HEMK2: variants seen among roughly 807,000 people sequenced by gnomAD.
HEMK2 encodes the protein HemK methyltransferase 2, ETF1 glutamine and histone H4 lysine, also known as methyltransferase HEMK2.
chr21:28,696,589 C>A, the HEMK2 span, among the ~76,000 whole-genome samples: 1 of 152,188 alleles, frequency 6.6e-6, no homozygotes, highest in Non-Finnish European at 1.5e-5. Flanking sequence ...CAGTCTGGAT[C>A]TACCATTCTG....
chr21:28,815,331 A>C, the HEMK2 span, among the ~76,000 whole-genome samples: 1 of 152,004 alleles, frequency 6.6e-6, no homozygotes, highest in Non-Finnish European at 1.5e-5. Flanking sequence ...GTATGCAACA[A>C]ACCTGCACGT....
chr21:28,641,362 G>A, the HEMK2 span, among the ~76,000 whole-genome samples: 1 of 152,202 alleles, frequency 6.6e-6, no homozygotes, highest in Non-Finnish European at 1.5e-5. Context: ...AAAGAAGGCA[G>A]TGGTGACAAT....
At chr21:28,757,805 G>T in the HEMK2 span, among the ~76,000 whole-genome samples, 1 of 152,112 alleles carries the variant, frequency 6.6e-6, no homozygotes, top group Admixed American at 6.5e-5. Flanking sequence ...GTGTGAGGAG[G>T]GCATTCTGGG....
chr21:28,697,596 C>A, the HEMK2 span, among the ~76,000 whole-genome samples: 5 of 152,078 alleles, frequency 3.3e-5, no homozygotes, highest in Non-Finnish European at 7.4e-5. Context: ...ACTTCTCACT[C>A]TATTAGTTTC....
chr21:28,776,203 G>C, the HEMK2 span, among the ~76,000 whole-genome samples: 2 of 152,200 alleles, frequency 1.3e-5, no homozygotes, highest in Non-Finnish European at 2.9e-5. Context: ...AGGGTAAGCA[G>C]CCCTAATTAG....
the HEMK2 span, among the ~76,000 whole-genome samples, chr21:28,846,277 T>C: frequency 6.6e-6 from 1 of 152,176 alleles, no homozygotes; most frequent in Non-Finnish European, 1.5e-5. Flanking sequence ...TGTGCCTTTA[T>C]GGTAGAAATG....
At chr21:28,838,808 G>A in the HEMK2 span, among the ~76,000 whole-genome samples, 1,286 of 149,270 alleles carry the variant, frequency 8.6e-3, 14 homozygotes, top group African/African-American at 0.029. Flanking sequence ...GCGTGTTGGC[G>A]CATGCCTGTA....
the HEMK2 span, among the ~76,000 whole-genome samples, chr21:28,733,497 T>A: frequency 6.6e-6 from 1 of 152,112 alleles, no homozygotes; most frequent in African/African-American, 2.4e-5. Flanking sequence ...TACACGCAGG[T>A]CTCATGATAA....
the HEMK2 span, among the ~76,000 whole-genome samples, chr21:28,765,139 G>GA: frequency 3.3e-5 from 5 of 152,058 alleles, no homozygotes; most frequent in African/African-American, 1.2e-4. Flanking sequence ...ATGTTGAGAA[G>GA]AAAGAGTGAC....
At chr21:28,610,492 GA>G in the HEMK2 span, among the ~76,000 whole-genome samples, 10 of 149,106 alleles carry the variant, frequency 6.7e-5, no homozygotes, top group Non-Finnish European at 8.9e-5. Flanking sequence ...ACAATACAAT[GA>G]AAAAAAAATA....
the HEMK2 span, among the ~76,000 whole-genome samples, chr21:28,739,953 A>C: frequency 6.6e-6 from 1 of 152,328 alleles, no homozygotes; most frequent in South Asian, 2.1e-4. Flanking sequence ...ACTTTGTATC[A>C]TCTGGAGGAT....
chr21:28,601,301 C>T, the HEMK2 span, among the ~76,000 whole-genome samples: 1 of 152,184 alleles, frequency 6.6e-6, no homozygotes, highest in South Asian at 2.1e-4. Context: ...ATTTACTAAG[C>T]CAGTAGCATC....
chr21:28,751,308 C>A, the HEMK2 span, among the ~76,000 whole-genome samples: 1 of 151,404 alleles, frequency 6.6e-6, no homozygotes, highest in Non-Finnish European at 1.5e-5. Context: ...CTACCTAATA[C>A]TTCTAAGGGG....
chr21:28,693,114 T>C, the HEMK2 span, among the ~76,000 whole-genome samples: 359 of 152,282 alleles, frequency 2.4e-3, 2 homozygotes, highest in African/African-American at 7.9e-3. Context: ...CTAACAACCA[T>C]TGAAATGTAC....
At chr21:28,608,388 CAAA>C in the HEMK2 span, among the ~76,000 whole-genome samples, 8 of 117,908 alleles carry the variant, frequency 6.8e-5, no homozygotes, top group Admixed American at 8.7e-5. Flanking sequence ...TTTTCAACTT[CAAA>C]AAAAAAAAAA....
chr21:28,647,140 G>T, the HEMK2 span, among the ~76,000 whole-genome samples: 1 of 151,872 alleles, frequency 6.6e-6, no homozygotes, highest in Non-Finnish European at 1.5e-5. Context: ...AATGCAAAAG[G>T]TACCCAAGAT....
the HEMK2 span, among the ~76,000 whole-genome samples, chr21:28,792,418 C>T: frequency 6.6e-6 from 1 of 152,158 alleles, no homozygotes; most frequent in Admixed American, 6.5e-5. Context: ...ATCAGAATCG[C>T]TTTCTGGTAA....
the HEMK2 span, among the ~76,000 whole-genome samples, chr21:28,797,591 G>GGTGACAGT: frequency 1.3e-5 from 2 of 151,986 alleles, no homozygotes; most frequent in Admixed American, 1.3e-4. Flanking sequence ...TTCCAGCCTG[G>GGTGACAGT]GTGACAGTAT....
the HEMK2 span, among the ~76,000 whole-genome samples, chr21:28,796,410 G>C: frequency 6.6e-6 from 1 of 152,226 alleles, no homozygotes; most frequent in Admixed American, 6.5e-5. Context: ...AAAGCGCTGG[G>C]ATTACAGGCG....
Sources: gnomAD v4.1 joint callset for allele counts (sites outside exome capture counted in the v4.1 genomes callset) on GRCh38, gnomAD v4.1.1 for gene constraint, MANE v1.5 for transcripts, NCBI Gene and HGNC (gene_info 2026-07-23, HGNC 2026-07-21) for gene names.